A4GNT: variants seen among roughly 807,000 people sequenced by gnomAD.
The protein encoded by A4GNT is alpha-1,4-N-acetylglucosaminyltransferase.
A4GNT carries 6 observed loss-of-function variants against 8.3 expected under a neutral mutation model. That is an observed-to-expected ratio of 0.72 (90% CI 0.39 to 1.42). The LOEUF (loss-of-function observed/expected upper bound fraction) is 1.42, where lower values mean the gene tolerates loss of function less well. Among genes scored for constraint, A4GNT ranks in the 40% most tolerant of loss-of-function variants. A4GNT has a pLI of 0.02. For synonymous variants in A4GNT, 157 were observed against 159.8 expected (o/e 0.98, Z 0.13); for missense variants, 377 against 417.0 (o/e 0.90, Z 0.84).
chr3:138,132,888 G>A (rs2042786312), upstream of A4GNT, among the ~76,000 whole-genome samples: 2 of 152,216 alleles, frequency 1.3e-5, no homozygotes, highest in African/African-American at 4.8e-5. Context: ...AGTGGCTGCA[G>A]GAAGGCTCCT....
In A4GNT at chr3:138,124,260, A is replaced by G; in HGVS notation, c.*4T>C. On this transcript the variant is annotated 3_prime_UTR_variant, in exon 3 of 3. Coordinates refer to ENST00000236709, the MANE Select transcript of A4GNT (RefSeq NM_016161.3). ...ACTGCAGCAGCAGCAAACGAGTGTT[A>G]GCTTTATTTGTTACCTGGACCCAGC... 2.5e-6 allele frequency: 4 copies of G among 1,610,596 alleles called. No individual in the cohort carries two copies. Among genetic ancestry groups the G allele is most frequent in the Non-Finnish European group, 3.4e-6 (4 of 1,177,922 alleles).
In A4GNT at chr3:138,124,386, T is replaced by C. The variant is rs777760014; in HGVS notation, c.901A>G (p.Ile301Val). Reference protein sequence around the residue: ...NHMNQEGRAVIRGSNTLVENL... With the variant: ...NHMNQEGRAVVRGSNTLVENL... The stretch of plus-strand genomic sequence containing the variant: ...TCCACCAGTGTGTTGCTTCCTCTAA[T>C]CACAGCCCGCCCCTCCTGGTTCATG... Residue 301 changes from isoleucine to valine, a missense_variant, in exon 3 of 3, where the codon ATT becomes GTT. By Grantham distance (29) the Ile-to-Val change is conservative. Coordinates refer to ENST00000236709, the MANE Select transcript of A4GNT (RefSeq NM_016161.3). 1 of 1,614,190 alleles carries C rather than the reference T, an allele frequency of 6.2e-7. No individual in the cohort carries two copies. Among genetic ancestry groups the C allele is most frequent in the South Asian group, 1.1e-5 (1 of 91,080 alleles).
chr3:138,130,784 G>A, intron 2 of A4GNT, 65 bp downstream of exon 2: 1 of 1,549,330 alleles, frequency 6.5e-7, no homozygotes, highest in South Asian at 1.2e-5. Context: ...TCCGACCTGA[G>A]TCCTTACCCT....
At chr3:138,127,300 G>A (rs1210250123) in intron 2 of A4GNT, among the ~76,000 whole-genome samples, 4 of 151,530 alleles carry the variant, frequency 2.6e-5, no homozygotes, top group African/African-American at 7.3e-5. Context: ...CAGGGGCGGG[G>A]CACAGTGGCT....
At chr3:138,133,042 A>G (rs1559876377), upstream of A4GNT, among the ~76,000 whole-genome samples, 1 of 152,162 alleles carries the variant, frequency 6.6e-6, no homozygotes, top group South Asian at 2.1e-4. Context: ...CGCCCCTGAA[A>G]TGAGCTCTTA....
chr3:138,133,255 G>A (rs2042788412), upstream of A4GNT, among the ~76,000 whole-genome samples: 1 of 152,138 alleles, frequency 6.6e-6, no homozygotes, highest in Non-Finnish European at 1.5e-5. Flanking sequence ...TGTGTCCAAG[G>A]ACCCCAGAAA....
rs71312568 is a variant in A4GNT, at chr3:138,131,260, C to T, written c.-4G>A. 1.3e-6 allele frequency: 2 copies of T among 1,571,214 alleles called. No individual in the cohort carries two copies. The highest frequency in any genetic ancestry group is 1.7e-6 in the Non-Finnish European group (2 of 1,152,042). On this transcript the variant is annotated 5_prime_UTR_variant, in exon 2 of 3. Transcript: ENST00000236709. ...AGAGCTGGAGCTCCTTCCGCATGTC[C>T]TCTTCTCTGTGCCAGCCTGCTCCTT...
upstream of A4GNT, among the ~76,000 whole-genome samples, chr3:138,133,138 T>G (rs1164383332): frequency 1.3e-5 from 2 of 152,202 alleles, no homozygotes; most frequent in Non-Finnish European, 2.9e-5. Flanking sequence ...GATGCTCTAG[T>G]GTGAGCAGGT....
chr3:138,125,092 G>A (rs1283091499), intron 2 of A4GNT, among the ~76,000 whole-genome samples: 2 of 151,998 alleles, frequency 1.3e-5, no homozygotes, highest in African/African-American at 4.8e-5. Flanking sequence ...AGTATCAATG[G>A]GAAAGTTTTA....
rs371893044 is a variant in A4GNT, at chr3:138,130,917, C to G, written c.340G>C (p.Val114Leu). The G allele has an allele frequency of 6.2e-7, 1 of 1,614,060 alleles. No homozygotes were observed. Among genetic ancestry groups the G allele is most frequent in the African/African-American group, 1.3e-5 (1 of 75,012 alleles). The change falls in exon 2 of 3, where the codon GTT (valine) becomes CTT (leucine). Residue 114 changes from valine to leucine, a missense_variant. By Grantham distance (32) the Val-to-Leu change is conservative. Transcript: ENST00000236709. ...AFSFLSAIDN[V>L]FLFPLDMKRL... ...TTCATATCCAAAGGGAAGAGGAAAACGTTGTCTATTGCTGACAGGAAGGAA... is the reference window on the plus strand; with the variant it reads ...TTCATATCCAAAGGGAAGAGGAAAAGGTTGTCTATTGCTGACAGGAAGGAA...
intron 2 of A4GNT, among the ~76,000 whole-genome samples, chr3:138,128,331 G>A (rs907532935): frequency 6.6e-5 from 10 of 152,064 alleles, no homozygotes; most frequent in East Asian, 3.9e-4. Context: ...ATTGGCTCAC[G>A]GTTCTGCAGG....
In A4GNT at chr3:138,124,089, A is replaced by G. The variant is rs2042729764; in HGVS notation, c.*175T>C. Reference sequence around the variant, plus strand: ...CAAATGGACCATGGGTGTATGTTTTATAGCCAGTATCATTTGGGATTTTTC... The same window carrying G: ...CAAATGGACCATGGGTGTATGTTTTGTAGCCAGTATCATTTGGGATTTTTC... On this transcript the variant is annotated 3_prime_UTR_variant, in exon 3 of 3. Transcript: ENST00000236709. 2 of 819,118 alleles carry G rather than the reference A, an allele frequency of 2.4e-6. No individual in the cohort carries two copies. Among genetic ancestry groups the G allele is most frequent in the Admixed American group, 3.0e-5 (1 of 33,468 alleles). 50.7% of individuals were successfully genotyped at this position (819,118 alleles called of 1,614,324 possible).
chr3:138,124,877 A>G lies in A4GNT; in HGVS notation c.410T>C (p.Ile137Thr), dbSNP rs567622541. 6.2e-7 allele frequency: 1 copy of G among 1,608,904 alleles called. No individual in the cohort carries two copies. The highest frequency in any genetic ancestry group is 1.3e-5 in the African/African-American group (1 of 74,900). The change falls in exon 3 of 3, where the codon ATC becomes ACC. Residue 137 changes from isoleucine to threonine, a missense_variant and splice_region_variant. Coordinates refer to ENST00000236709, the MANE Select transcript of A4GNT (RefSeq NM_016161.3). ...DTPLFSWYNQ[I>T]NASAERNWLH... Reference sequence around the variant, plus strand: ...CCAGTTTCTCTCTGCGCTGGCGTTGATCTGCAGGAGCAGGTGCAAATCAGC... The same window carrying G: ...CCAGTTTCTCTCTGCGCTGGCGTTGGTCTGCAGGAGCAGGTGCAAATCAGC...
rs201675669 is a variant in A4GNT, at chr3:138,131,064, G to A, written c.193C>T (p.His65Tyr). 2 of 1,613,810 alleles carry A rather than the reference G, an allele frequency of 1.2e-6. No homozygotes were observed. Among genetic ancestry groups the A allele is most frequent in the Admixed American group, 3.3e-5 (2 of 60,000 alleles). The part of the protein sequence containing the change: ...LETSERMEPP[H>Y]LVSCSVESAA... The stretch of plus-strand genomic sequence containing the variant: ...GACTCTACGGAACAGGAGACCAAAT[G>A]GGGTGGCTCCATTCTCTCTGAGGTC... Residue 65 changes from histidine (H) to tyrosine (Y), a missense_variant, in exon 2 of 3, where the codon CAT becomes TAT. His to Tyr is a moderately conservative substitution (Grantham distance 83). Coordinates refer to ENST00000236709, the MANE Select transcript of A4GNT (RefSeq NM_016161.3).
rs1029956893 is a variant in A4GNT at position 138,132,189 on chromosome 3, AAGTCCAGGCTCTGAACCGTTACCTGC to A, written c.-30_-27+22del. The A allele has an allele frequency of 2.0e-5, 3 of 152,186 alleles. No individual in the cohort carries two copies. The highest frequency in any genetic ancestry group is 7.2e-5 in the African/African-American group (3 of 41,442). The allele number at this position is 152,186 out of a possible 1,614,324, so 9.4% of individuals were successfully genotyped here. ...TGTAACTTGCATCCACCTGCCACCAAAGTCCAGGCTCTGAACCGTTACCTGCAGTGCTTTCCTCACCAAAAATGTTA... is the reference window on the plus strand; with the variant it reads ...TGTAACTTGCATCCACCTGCCACCAAAGTGCTTTCCTCACCAAAAATGTTA... On this transcript the variant is annotated splice_donor_variant and splice_donor_5th_base_variant and 5_prime_UTR_variant and intron_variant, in exon 1 of 3. Transcript: ENST00000236709. LOFTEE classifies it low-confidence loss of function (5UTR_SPLICE).
intron 2 of A4GNT, 148 bp from the exon 3 acceptor site, chr3:138,125,026 T>G: frequency 1.0e-6 from 1 of 984,472 alleles, no homozygotes; most frequent in South Asian, 1.9e-5. Flanking sequence ...TTTGCAAGTT[T>G]ACCAAACTTA....
rs957095450 is a variant in A4GNT, at chr3:138,123,757, C to T, written c.*507G>A. On this transcript the variant is annotated 3_prime_UTR_variant, in exon 3 of 3. Transcript: ENST00000236709. ...ATTGACTGAATGCATTAATGAATGT[C>T]AAAATCAGGACTAGAAATCAAGTCT... The T allele has an allele frequency of 6.5e-6, 1 of 153,160 alleles. No homozygotes were observed. Among genetic ancestry groups the T allele is most frequent in the Non-Finnish European group, 1.5e-5 (1 of 68,820 alleles). 9.5% of individuals were successfully genotyped at this position (153,160 alleles called of 1,614,324 possible). A position where few individuals can be genotyped will look rare whatever the true frequency, so the allele number is the denominator to read the frequency against.
chr3:138,124,208 G>T lies in A4GNT; in HGVS notation c.*56C>A. The T allele has an allele frequency of 6.4e-7, 1 of 1,556,634 alleles. No individual in the cohort carries two copies. Among genetic ancestry groups the T allele is most frequent in the Non-Finnish European group, 8.7e-7 (1 of 1,149,762 alleles). Reference sequence around the variant, plus strand: ...GACAGTGGAGATCAAGTGAAAATGTGGCACTCCAGGAAATGTCCATTTCCA... The same window carrying T: ...GACAGTGGAGATCAAGTGAAAATGTTGCACTCCAGGAAATGTCCATTTCCA... On this transcript the variant is annotated 3_prime_UTR_variant, in exon 3 of 3. Transcript: ENST00000236709.
rs2042772841 is a variant in A4GNT at position 138,130,970 on chromosome 3, A to G, written c.287T>C (p.Met96Thr). 4 of 1,614,150 alleles carry G rather than the reference A, an allele frequency of 2.5e-6. No individual in the cohort carries two copies. The highest frequency in any genetic ancestry group is 1.6e-4 in the Middle Eastern group (1 of 6,062). Residue 96 changes from methionine (M) to threonine (T), a missense_variant, in exon 2 of 3, where the codon ATG becomes ACG. By Grantham distance (81) the Met-to-Thr change is moderately conservative. Transcript: ENST00000236709. ...FMKGLTDSTP[M>T]PSNSTYPAFS... is the part of the protein sequence containing the mutation. ...AGCTGGGTATGTGGAGTTTGAGGGC[A>G]TCGGTGTGGAATCAGTAAGACCCTT...
Sources: allele counts gnomAD v4.1 joint callset (sites outside exome capture counted in the v4.1 genomes callset), GRCh38; gene constraint gnomAD v4.1.1; transcripts MANE v1.5; gene names NCBI Gene and HGNC (gene_info 2026-07-23, HGNC 2026-07-21).